ZNF786: variants seen among roughly 807,000 people sequenced by gnomAD.
The protein encoded by ZNF786 is zinc finger protein 786.
Under a neutral mutation model 63.1 loss-of-function variants are expected in ZNF786, and 56 were observed. That is an observed-to-expected ratio of 0.89 (90% CI 0.72 to 1.11). The LOEUF is 1.11. Ranked by LOEUF, ZNF786 falls within the 50% of genes least tolerant of loss-of-function variation. The pLI is 0.00. For missense variants in ZNF786, 1,213 were observed against 1,041.8 expected (o/e 1.16, Z -2.26); for synonymous variants, 485 against 406.9 (o/e 1.19, Z -2.31).
At chr7:149,085,033 A>G (rs1825712824) in intron 1 of ZNF786, among the ~76,000 whole-genome samples, 1 of 152,114 alleles carries the variant, frequency 6.6e-6, no homozygotes, top group Non-Finnish European at 1.5e-5. Flanking sequence ...TCCCAGCACC[A>G]TTTATTAAAT....
chr7:149,088,676 C>T (rs1825775918), intron 1 of ZNF786, among the ~76,000 whole-genome samples: 1 of 152,158 alleles, frequency 6.6e-6, no homozygotes, highest in African/African-American at 2.4e-5. Context: ...ACTGACTTAA[C>T]AAGTTTAACA....
At chr7:149,074,844 ATTAT>A (rs1274070885) in intron 2 of ZNF786, among the ~76,000 whole-genome samples, 4 of 151,540 alleles carry the variant, frequency 2.6e-5, no homozygotes, top group African/African-American at 7.3e-5. Flanking sequence ...TTTAAAATTA[ATTAT>A]TTATTTTTTG....
In ZNF786 at chr7:149,070,804, G is replaced by A. The variant is rs1425607768; in HGVS notation, c.1968C>T (p.Gly656=). 1.9e-6 allele frequency: 3 copies of A among 1,613,688 alleles called. No homozygotes were observed. Among genetic ancestry groups the A allele is most frequent in the African/African-American group, 2.7e-5 (2 of 74,938 alleles). Residue 656 remains glycine (G), a synonymous_variant, in exon 4 of 4, where the codon GGC becomes GGT. Coordinates refer to ENST00000491431, the MANE Select transcript of ZNF786 (RefSeq NM_152411.4). ...CGATGAGCTTTGAGTGTTTCACAAA[G>A]CCCTTGCCGCACTCACAGGAGAAAG... The part of the protein sequence containing the change: ...EMPFSCECGK[G]FVKHSKLIEH...
Position 149,070,748 on chromosome 7 carries a change from G to A in ZNF786, c.2024C>T (p.Pro675Leu). ...EHIRTHTGEKPFQCPKCDKSF... is the reference protein window; with the variant it reads ...EHIRTHTGEKLFQCPKCDKSF... ...CTTGTCACACTTGGGACACTGAAAA[G>A]GCTTCTCTCCCGTGTGCGTTCTGAT... is the stretch of plus-strand genomic sequence containing the variant. Residue 675 changes from proline (P) to leucine (L), a missense_variant, in exon 4 of 4, where the codon CCT (proline) becomes CTT (leucine). Physicochemically the swap from Pro to Leu is moderately conservative, Grantham distance 98 (BLOSUM62 -3). Transcript: ENST00000491431. The A allele has an allele frequency of 6.2e-7, 1 of 1,613,814 alleles. No individual in the cohort carries two copies. The highest frequency in any genetic ancestry group is 8.5e-7 in the Non-Finnish European group (1 of 1,179,946).
chr7:149,073,764 T>C (rs868248763), intron 3 of ZNF786, among the ~76,000 whole-genome samples: 9 of 106,440 alleles, frequency 8.5e-5, no homozygotes, highest in African/African-American at 3.0e-4. Context: ...TATATATATA[T>C]ATATATATAT....
chr7:149,074,315 C>T (rs1307285330), intron 3 of ZNF786, 71 bp downstream of exon 3: 10 of 1,564,612 alleles, frequency 6.4e-6, no homozygotes, highest in African/African-American at 1.4e-5. Flanking sequence ...AACAGGATGA[C>T]AAGATCAGAG....
At position 149,074,497 on chromosome 7, in the gene ZNF786, G is replaced by T. The variant is rs565560330; in HGVS notation, c.187C>A (p.His63Asn). The change falls in exon 3 of 4, where the codon CAC becomes AAC. Residue 63 changes from histidine (H) to asparagine (N), a missense_variant. His to Asn is a moderately conservative substitution (Grantham distance 68). Transcript: ENST00000491431. ...PKPELISWIE[H>N]GGEPFRKWRE... ...CATTTCCTGAAGGGCTCTCCCCCGTGTTCAATCCAGGATATTAGTTCTGGT... is the reference window on the plus strand; with the variant it reads ...CATTTCCTGAAGGGCTCTCCCCCGTTTTCAATCCAGGATATTAGTTCTGGT... The T allele has an allele frequency of 3.1e-5, 50 of 1,613,776 alleles. 1 individual carries two copies. Among genetic ancestry groups the T allele is most frequent in the Non-Finnish European group, 4.0e-5 (47 of 1,179,884 alleles).
intron 1 of ZNF786, among the ~76,000 whole-genome samples, chr7:149,088,011 T>G (rs1351910372): frequency 7.3e-5 from 8 of 109,302 alleles, no homozygotes; most frequent in Admixed American, 4.2e-4. Flanking sequence ...TTTTTTTTTG[T>G]CTTTCTTTCG....
At chr7:149,074,122 C>A (rs978681871) in intron 3 of ZNF786, among the ~76,000 whole-genome samples, 3 of 151,880 alleles carry the variant, frequency 2.0e-5, no homozygotes, top group African/African-American at 4.8e-5. Flanking sequence ...CAATTCAATC[C>A]TGTTAACATG....
chr7:149,072,581 G>A, intron 3 of ZNF786, 108 bp from the exon 4 acceptor site: 3 of 1,303,430 alleles, frequency 2.3e-6, no homozygotes, highest in Non-Finnish European at 3.1e-6. Flanking sequence ...TGGGAACCCA[G>A]CTTCCACTGA....
chr7:149,087,029 G>A (rs1389938230), intron 1 of ZNF786, among the ~76,000 whole-genome samples: 1 of 152,042 alleles, frequency 6.6e-6, no homozygotes, highest in Non-Finnish European at 1.5e-5. Context: ...TTTTAGTAGA[G>A]GCAGGGTTTC....
chr7:149,087,106 G>C (rs972902313), intron 1 of ZNF786, among the ~76,000 whole-genome samples: 2 of 152,174 alleles, frequency 1.3e-5, no homozygotes, highest in African/African-American at 4.8e-5. Context: ...GCCTCCCAAA[G>C]TGCTGGGATT....
chr7:149,077,185 T>C (rs1339500014), intron 2 of ZNF786, among the ~76,000 whole-genome samples: 1 of 152,254 alleles, frequency 6.6e-6, no homozygotes, highest in African/African-American at 2.4e-5. Context: ...TATTCTTGTC[T>C]TGGTTCTCCC....
At position 149,074,263 on chromosome 7, in the gene ZNF786, C is replaced by G. The variant is rs1009970257; in HGVS notation, c.298+123G>C. The G allele has an allele frequency of 5.2e-6, 6 of 1,144,456 alleles. No individual in the cohort carries two copies. The African/African-American group carries it at 9.4e-5, about 18-fold the overall frequency. 70.9% of individuals were successfully genotyped at this position (1,144,456 alleles called of 1,614,324 possible). A position where few individuals can be genotyped will look rare whatever the true frequency, so the allele number is the denominator to read the frequency against. ...ATTCCTAACCATTATGCTTTACTGC[C>G]TTTATCTAGAAGATAAGAGTCTTCA... On this transcript the variant is annotated intron_variant, in intron 3 of 3. Coordinates refer to ENST00000491431, the MANE Select transcript of ZNF786 (RefSeq NM_152411.4).
At chr7:149,073,419 C>A (rs1444599289) in intron 3 of ZNF786, among the ~76,000 whole-genome samples, 3 of 151,952 alleles carry the variant, frequency 2.0e-5, no homozygotes, top group African/African-American at 7.2e-5. Context: ...CATGGTGGCT[C>A]ACACCTATAA....
chr7:149,090,647 C>G lies in ZNF786; in HGVS notation c.-7G>C. 6.3e-7 allele frequency: 1 copy of G among 1,588,006 alleles called. No individual in the cohort carries two copies. The highest frequency in any genetic ancestry group is 8.6e-7 in the Non-Finnish European group (1 of 1,166,360). ...CCCGAGGCGGCTCCGCCATGGTCCC[C>G]GCGGTCCCGCCCGGCCCTGGCAAAC... On this transcript the variant is annotated 5_prime_UTR_variant, in exon 1 of 4. Transcript: ENST00000491431.
At position 149,084,496 on chromosome 7, in the gene ZNF786, T is replaced by G. The variant is rs572188613; in HGVS notation, c.19-3779A>C. ...TTTCTCTGTAACCTTGTTTTTAACT[T>G]TTTAATAGCCATTCTGACTGATACG... On this transcript the variant is annotated intron_variant, in intron 1 of 3. Transcript: ENST00000491431. 3.3e-5 allele frequency among the ~76,000 whole-genome samples: 5 copies of G among 152,320 alleles called. No homozygotes were observed. The South Asian group carries it at 6.2e-4, about 19-fold the overall frequency.
At chr7:149,074,235 C>T (rs1825500537) in intron 3 of ZNF786, 151 bp downstream of exon 3, 1 of 907,744 alleles carries the variant, frequency 1.1e-6, no homozygotes, top group African/African-American at 1.7e-5. Context: ...CTCTAGAACC[C>T]ACATTCCTAA....
chr7:149,075,890 T>G (rs181168001), intron 2 of ZNF786, among the ~76,000 whole-genome samples: 260 of 151,852 alleles, frequency 1.7e-3, no homozygotes, highest in African/African-American at 6.1e-3. Context: ...CTCAAACTTC[T>G]CAGCCCAAGA....
Sources: allele counts gnomAD v4.1 joint callset (sites outside exome capture counted in the v4.1 genomes callset), GRCh38; gene constraint gnomAD v4.1.1; transcripts MANE v1.5; gene names NCBI Gene and HGNC (gene_info 2026-07-23, HGNC 2026-07-21).